Variants in ZBTB20 observed in about 807,000 individuals in gnomAD.
ZBTB20 encodes the protein zinc finger and BTB domain-containing protein 20.
In ZBTB20, 9 loss-of-function variants were observed where a neutral mutation model predicts 56.9. The observed-to-expected ratio is 0.16, with a 90% CI of 0.10 to 0.28. ZBTB20 has a LOEUF of 0.28. ZBTB20 is among the 10% of genes least tolerant of loss of function. The probability of loss-of-function intolerance (pLI) is 1.00; values close to 1 mark genes in which losing one functional copy is unlikely to be tolerated. For synonymous variants in ZBTB20, 417 were observed against 420.7 expected, an observed-to-expected ratio of 0.99 and a Z score of 0.11; for missense variants, 655 against 1,003.0, an observed-to-expected ratio of 0.65 and a Z score of 4.69.
intron 6 of ZBTB20, among the ~76,000 whole-genome samples, chr3:114,513,742 GA>G (rs950077795): frequency 6.6e-6 from 1 of 152,098 alleles, no homozygotes; most frequent in African/African-American, 2.4e-5. Context: ...CTCGGGAAAA[GA>G]AAATCACTAC....
chr3:114,371,638 C>A (rs910665098), intron 10 of ZBTB20, among the ~76,000 whole-genome samples: 1 of 152,172 alleles, frequency 6.6e-6, no homozygotes, highest in East Asian at 1.9e-4. Context: ...AGTCCTGACT[C>A]CTTTCTGTTC....
intron 6 of ZBTB20, among the ~76,000 whole-genome samples, chr3:114,580,729 G>A (rs921934562): frequency 6.6e-6 from 1 of 151,752 alleles, no homozygotes; most frequent in African/African-American, 2.4e-5. Flanking sequence ...TAAGTTATAT[G>A]AGGAACAATT....
intron 1 of ZBTB20, among the ~76,000 whole-genome samples, chr3:115,092,997 A>G (rs1026914456): frequency 1.3e-5 from 2 of 152,090 alleles, no homozygotes; most frequent in African/African-American, 4.8e-5. Context: ...ATATATAGCT[A>G]CTTAAAATCA....
At chr3:114,932,878 T>C (rs1576361160) in intron 3 of ZBTB20, among the ~76,000 whole-genome samples, 1 of 152,320 alleles carries the variant, frequency 6.6e-6, no homozygotes, top group Middle Eastern at 3.4e-3. Context: ...GCACCCTTTT[T>C]TTGAACAATA....
In ZBTB20 at chr3:114,325,293, G is replaced by C. The variant is rs554926887; in HGVS notation, c.*13712C>G. ...AATCTACAGCTGGTTCCAAATTAAA[G>C]TTTGTCCCAAGGAGAGCAAGAGCAG... On this transcript the variant is annotated 3_prime_UTR_variant, in exon 12 of 12. Coordinates refer to ENST00000675478, the MANE Select transcript of ZBTB20 (RefSeq NM_001348800.3). 1 of 152,242 alleles carries C rather than the reference G, an allele frequency of 6.6e-6. No individual in the cohort carries two copies. The highest frequency in any genetic ancestry group is 2.4e-5 in the African/African-American group (1 of 41,560). 9.4% of individuals were successfully genotyped at this position (152,242 alleles called of 1,614,324 possible). A position where few individuals can be genotyped will look rare whatever the true frequency, so the allele number is the denominator to read the frequency against.
At chr3:114,622,087 A>T (rs752333855) in intron 6 of ZBTB20, among the ~76,000 whole-genome samples, 4 of 152,192 alleles carry the variant, frequency 2.6e-5, no homozygotes, top group Non-Finnish European at 5.9e-5. Flanking sequence ...ATATGTAGTC[A>T]TTAATAACAT....
chr3:115,136,150 G>C (rs2084647265), intron 1 of ZBTB20, among the ~76,000 whole-genome samples: 1 of 152,034 alleles, frequency 6.6e-6, no homozygotes, highest in Non-Finnish European at 1.5e-5. Context: ...CTGAATCATG[G>C]TAAATGTAAT....
chr3:114,769,943 T>G (rs905625527), intron 5 of ZBTB20, among the ~76,000 whole-genome samples: 1 of 151,228 alleles, frequency 6.6e-6, no homozygotes, highest in Non-Finnish European at 1.5e-5. Context: ...CCCGTAATCC[T>G]AGGTGCTCCA....
At chr3:114,613,397 T>C (rs1310209872) in intron 6 of ZBTB20, among the ~76,000 whole-genome samples, 1 of 152,134 alleles carries the variant, frequency 6.6e-6, no homozygotes, top group Non-Finnish European at 1.5e-5. Flanking sequence ...TGACCTTACA[T>C]TTTTTTATTG....
chr3:114,445,285 G>T (rs144616477), intron 7 of ZBTB20, among the ~76,000 whole-genome samples: 116 of 152,224 alleles, frequency 7.6e-4, no homozygotes, highest in African/African-American at 2.7e-3. Context: ...TCCATATTTA[G>T]AATTGATTGA....
In ZBTB20 at chr3:114,326,996, G is replaced by A. The variant is rs1303368359; in HGVS notation, c.*12009C>T. On this transcript the variant is annotated 3_prime_UTR_variant, in exon 12 of 12. Coordinates refer to ENST00000675478, the MANE Select transcript of ZBTB20 (RefSeq NM_001348800.3). ...GAGGGGAGCAAAGCAAGCTTTTCCTGGAGAAAAGAAGAAAAAAAAATCTTC... is the reference window on the plus strand; with the variant it reads ...GAGGGGAGCAAAGCAAGCTTTTCCTAGAGAAAAGAAGAAAAAAAAATCTTC... 1 of 151,962 alleles carries A rather than the reference G, an allele frequency of 6.6e-6. No individual in the cohort carries two copies. Among genetic ancestry groups the A allele is most frequent in the East Asian group, 1.9e-4 (1 of 5,178 alleles). 9.4% of individuals were successfully genotyped at this position (151,962 alleles called of 1,614,324 possible). A position where few individuals can be genotyped will look rare whatever the true frequency, so the allele number is the denominator to read the frequency against.
intron 5 of ZBTB20, among the ~76,000 whole-genome samples, chr3:114,722,481 T>C (rs1489029707): frequency 1.3e-5 from 2 of 152,176 alleles, no homozygotes; most frequent in Non-Finnish European, 2.9e-5. Flanking sequence ...ATAAATTATT[T>C]TGAAAGTAAA....
chr3:114,711,572 A>G (rs2064085704), intron 5 of ZBTB20, among the ~76,000 whole-genome samples: 1 of 152,212 alleles, frequency 6.6e-6, no homozygotes, highest in Non-Finnish European at 1.5e-5. Flanking sequence ...CAAATTAGAT[A>G]GTTAACTAAA....
At chr3:114,536,971 C>T (rs965772406) in intron 6 of ZBTB20, among the ~76,000 whole-genome samples, 14 of 152,102 alleles carry the variant, frequency 9.2e-5, no homozygotes, top group African/African-American at 3.4e-4. Context: ...TTCCTTACAC[C>T]TTATACAAAA....
chr3:114,951,763 A>G (rs1470403994), intron 3 of ZBTB20, among the ~76,000 whole-genome samples: 1 of 152,120 alleles, frequency 6.6e-6, no homozygotes, highest in Non-Finnish European at 1.5e-5. Context: ...CAGGCACAAG[A>G]AGAACTAGGA....
At chr3:114,508,202 A>G (rs1275642842) in intron 6 of ZBTB20, among the ~76,000 whole-genome samples, 1 of 152,176 alleles carries the variant, frequency 6.6e-6, no homozygotes, top group Non-Finnish European at 1.5e-5. Context: ...CCTTTAAATG[A>G]CCAAAATGTG....
chr3:114,358,739 T>C (rs888574328), intron 10 of ZBTB20, among the ~76,000 whole-genome samples: 3 of 152,204 alleles, frequency 2.0e-5, no homozygotes, highest in African/African-American at 7.2e-5. Flanking sequence ...TTACTGAGAA[T>C]ACCCCAGTAT....
intron 6 of ZBTB20, among the ~76,000 whole-genome samples, chr3:114,515,555 C>T (rs1408813350): frequency 1.3e-5 from 2 of 152,154 alleles, no homozygotes; most frequent in Non-Finnish European, 2.9e-5. Context: ...TCCTTTTTCA[C>T]TCCACAGTTT....
At chr3:114,448,440 G>A (rs548366008) in intron 7 of ZBTB20, among the ~76,000 whole-genome samples, 1 of 152,112 alleles carries the variant, frequency 6.6e-6, no homozygotes, top group Non-Finnish European at 1.5e-5. Flanking sequence ...TGGTGGTGAC[G>A]GGTGGTACAG....
Sources: gnomAD v4.1 joint callset for allele counts (sites outside exome capture counted in the v4.1 genomes callset) on GRCh38, gnomAD v4.1.1 for gene constraint, MANE v1.5 for transcripts, NCBI Gene and HGNC (gene_info 2026-07-23, HGNC 2026-07-21) for gene names.